CPXM2: variants seen among roughly 807,000 people sequenced by gnomAD.
CPXM2 encodes carboxypeptidase X, M14 family member 2.
In CPXM2, 66 loss-of-function variants were observed where a neutral mutation model predicts 86.1. The ratio of observed to expected loss-of-function variants is 0.77; its 90% CI spans 0.63 to 0.94. CPXM2 has a LOEUF of 0.94. CPXM2 is among the 40% of genes least tolerant of loss of function. The pLI is 0.00. For synonymous variants in CPXM2, 388 were observed against 400.2 expected, an observed-to-expected ratio of 0.97 and a Z score of 0.36; for missense variants, 948 against 1,026.3, an observed-to-expected ratio of 0.92 and a Z score of 1.04.
rs2134167890 is a variant in CPXM2, at chr10:123,849,328, C to T, written c.514-6840G>A. Among the ~76,000 whole-genome samples the T allele has an allele frequency of 2.0e-5, 3 of 152,158 alleles. 1 individual carries two copies. The South Asian group carries it at 6.2e-4, about 32-fold the overall frequency. On this transcript the variant is annotated intron_variant, in intron 3 of 13. Coordinates refer to ENST00000241305, the MANE Select transcript of CPXM2 (RefSeq NM_198148.3). The stretch of plus-strand genomic sequence containing the variant: ...TTCTTAGAAAGTACCCATTAACTCC[C>T]TACTATAGGCAGTGATGAAATCATT...
At chr10:123,877,335 A>G (rs1340328822) in intron 2 of CPXM2, among the ~76,000 whole-genome samples, 1 of 152,208 alleles carries the variant, frequency 6.6e-6, no homozygotes, top group Admixed American at 6.5e-5. Context: ...CTTTATCTTC[A>G]TTGTATTGGT....
At chr10:123,912,153 G>A (rs1215731745) in intron 2 of CPXM2, among the ~76,000 whole-genome samples, 6 of 151,952 alleles carry the variant, frequency 3.9e-5, no homozygotes, top group East Asian at 1.9e-4. Flanking sequence ...GCTGCGGATC[G>A]GTTTCAGGTG....
chr10:123,835,969 G>A (rs74633974), intron 4 of CPXM2, among the ~76,000 whole-genome samples: 6,093 of 152,214 alleles, frequency 0.04, 205 homozygotes, highest in African/African-American at 0.093. Context: ...GGGGAGGCTC[G>A]GGCTCCCCGA....
At chr10:123,829,951 G>GAA (rs59952078) in intron 4 of CPXM2, among the ~76,000 whole-genome samples, 12 of 114,168 alleles carry the variant, frequency 1.1e-4, no homozygotes, top group African/African-American at 3.3e-4. Flanking sequence ...AGCCATTTGA[G>GAA]AAAAAAAAAA....
intron 2 of CPXM2, among the ~76,000 whole-genome samples, chr10:123,902,160 C>A (rs1436884430): frequency 6.6e-6 from 1 of 152,124 alleles, no homozygotes; most frequent in Non-Finnish European, 1.5e-5. Context: ...TTTTATATTT[C>A]AGTATATAAA....
intron 3 of CPXM2, 46 bp downstream of exon 3, chr10:123,862,568 C>T (rs1366519332): frequency 6.5e-7 from 1 of 1,527,836 alleles, no homozygotes; most frequent in Non-Finnish European, 9.1e-7. Flanking sequence ...GGAACCAGAG[C>T]AATAAACAAG....
At chr10:123,778,828 A>G (rs1163395819) in intron 7 of CPXM2, among the ~76,000 whole-genome samples, 3 of 152,228 alleles carry the variant, frequency 2.0e-5, no homozygotes, top group Non-Finnish European at 4.4e-5. Context: ...CAAAATGTAG[A>G]GCAGCAGGGA....
At chr10:123,777,026 C>T (rs2134021106) in intron 7 of CPXM2, 1 of 152,296 alleles carries the variant, frequency 6.6e-6, no homozygotes, top group South Asian at 2.1e-4. Flanking sequence ...AAAAGAAATT[C>T]CAGAAGAAGG....
At chr10:123,833,455 C>G (rs544602890) in intron 4 of CPXM2, among the ~76,000 whole-genome samples, 66 of 152,212 alleles carry the variant, frequency 4.3e-4, no homozygotes, top group Non-Finnish European at 8.4e-4. Context: ...TCTGGAGGCA[C>G]TGGGGGTGCT....
At position 123,865,110 on chromosome 10, in the gene CPXM2, A is replaced by G. The variant is rs1352463575; in HGVS notation, c.404-2387T>C. ...CAGAAACTTCACCCCCTCCACCCAC[A>G]GCACAGATGATGACTTTGGTGGGGG... On this transcript the variant is annotated intron_variant, in intron 2 of 13. Coordinates refer to ENST00000241305, the MANE Select transcript of CPXM2 (RefSeq NM_198148.3). The surrounding 1 kb of genome is among the most constrained non-coding windows in gnomAD (Gnocchi z 4.7). 6.6e-6 allele frequency among the ~76,000 whole-genome samples: 1 copy of G among 152,194 alleles called. No individual in the cohort carries two copies. The highest frequency in any genetic ancestry group is 6.5e-5 in the Admixed American group (1 of 15,282).
At chr10:123,809,747 AGATAT>A (rs896482798) in intron 4 of CPXM2, among the ~76,000 whole-genome samples, 1 of 152,138 alleles carries the variant, frequency 6.6e-6, no homozygotes, top group Non-Finnish European at 1.5e-5. Context: ...AAAATTAATA[AGATAT>A]TTCTTTCAAT....
intron 2 of CPXM2, among the ~76,000 whole-genome samples, chr10:123,877,043 C>T (rs758676857): frequency 6.6e-6 from 1 of 152,174 alleles, no homozygotes; most frequent in Non-Finnish European, 1.5e-5. Flanking sequence ...ATAGAGAGAA[C>T]ATGTGAGCAG....
intron 4 of CPXM2, among the ~76,000 whole-genome samples, chr10:123,819,021 G>A (rs1215789939): frequency 4.6e-5 from 7 of 152,124 alleles, no homozygotes; most frequent in African/African-American, 1.7e-4. Flanking sequence ...AGGGAGGAAT[G>A]CTGCCACCAG....
intron 13 of CPXM2, chr10:123,751,449 G>A: frequency 1.1e-6 from 1 of 942,192 alleles, no homozygotes; most frequent in Non-Finnish European, 1.3e-6. Context: ...AAGAAGGTTT[G>A]CGTCTTTCCT....
At chr10:123,823,018 G>C (rs1366143085) in intron 4 of CPXM2, among the ~76,000 whole-genome samples, 3 of 152,150 alleles carry the variant, frequency 2.0e-5, no homozygotes, top group African/African-American at 7.2e-5. Context: ...CTATATGGTA[G>C]GGGAATTATA....
chr10:123,794,870 G>T (rs1445505492), intron 6 of CPXM2, among the ~76,000 whole-genome samples: 1 of 151,898 alleles, frequency 6.6e-6, no homozygotes, highest in Non-Finnish European at 1.5e-5. Context: ...CCTGGGCTCA[G>T]GTGATTCTTG....
intron 11 of CPXM2, among the ~76,000 whole-genome samples, chr10:123,761,297 A>G (rs1846332355): frequency 6.6e-6 from 1 of 152,176 alleles, no homozygotes; most frequent in South Asian, 2.1e-4. Context: ...GTATGAATGG[A>G]ACCGTCCTCA....
At chr10:123,937,047 G>C (rs1564826728) in intron 2 of CPXM2, among the ~76,000 whole-genome samples, 1 of 152,224 alleles carries the variant, frequency 6.6e-6, no homozygotes, top group Non-Finnish European at 1.5e-5. Context: ...CAGCTAGAAG[G>C]TGGCAAAGTT....
chr10:123,822,169 T>C (rs993220867), intron 4 of CPXM2, among the ~76,000 whole-genome samples: 1 of 152,224 alleles, frequency 6.6e-6, no homozygotes, highest in African/African-American at 2.4e-5. Context: ...TAAACAGAAA[T>C]TGGTTTCTCC....
Sources: allele counts gnomAD v4.1 joint callset (sites outside exome capture counted in the v4.1 genomes callset), GRCh38; gene constraint gnomAD v4.1.1; non-coding constraint Gnocchi (gnomAD v3.1); transcripts MANE v1.5; gene names NCBI Gene and HGNC (gene_info 2026-07-23, HGNC 2026-07-21).